ABLIM2: variants seen among roughly 807,000 people sequenced by gnomAD.
ABLIM2 encodes the protein actin binding LIM protein family member 2.
In ABLIM2, 53 loss-of-function variants were observed where a neutral mutation model predicts 97.7. That is an observed-to-expected ratio of 0.54 (90% CI 0.44 to 0.68). The LOEUF is 0.68. ABLIM2 is among the 30% of genes least tolerant of loss of function. The pLI is 0.00. For missense variants in ABLIM2, 835 were observed against 867.2 expected (o/e 0.96, Z 0.47); for synonymous variants, 361 against 345.8 (o/e 1.04, Z -0.49).
intron 6 of ABLIM2, among the ~76,000 whole-genome samples, chr4:8,063,190 C>A (rs550567056): frequency 6.6e-6 from 1 of 152,198 alleles, no homozygotes; most frequent in African/African-American, 2.4e-5. Context: ...CTCAGCCTCC[C>A]GAGTAGCTGG....
rs2152349905 is a variant in ABLIM2 at position 8,072,994 on chromosome 4, A to T, written c.675+4634T>A. 6.6e-6 allele frequency among the ~76,000 whole-genome samples: 1 copy of T among 152,212 alleles called. No individual in the cohort carries two copies. ...GAGGAGCACAGAGAGGGTCTCTGAG[A>T]GGCAGTGGGGCCGGTGCGAAGGGAG... On this transcript the variant is annotated intron_variant, in intron 6 of 20. Coordinates refer to ENST00000447017, the MANE Select transcript of ABLIM2 (RefSeq NM_001130083.2). This position sits in a 1 kb window ranked among gnomAD's most constrained non-coding sequence, Gnocchi z 5.8.
Position 8,127,688 on chromosome 4 carries a change from C to T in ABLIM2, c.11-21051G>A, listed in dbSNP as rs1026251803. ...ACCGGGGAAGAGCCTCTGTGGCCCACAGGGCTCCCACAAGGTCACGTGGCA... is the reference window on the plus strand; with the variant it reads ...ACCGGGGAAGAGCCTCTGTGGCCCATAGGGCTCCCACAAGGTCACGTGGCA... On this transcript the variant is annotated intron_variant, in intron 1 of 20. Transcript: ENST00000447017. The surrounding 1 kb of genome is among the most constrained non-coding windows in gnomAD (Gnocchi z 7.3). The T allele has an allele frequency of 1.6e-6, 2 of 1,259,760 alleles. No individual in the cohort carries two copies. Among genetic ancestry groups the T allele is most frequent in the African/African-American group, 1.5e-5 (1 of 65,250 alleles). The allele number at this position is 1,259,760 out of a possible 1,614,324, so 78.0% of individuals were successfully genotyped here.
chr4:8,029,899 C>A lies in ABLIM2; in HGVS notation c.1048-123G>T, dbSNP rs897661779. On this transcript the variant is annotated intron_variant, in intron 10 of 20. Coordinates refer to ENST00000447017, the MANE Select transcript of ABLIM2 (RefSeq NM_001130083.2). Reference sequence around the variant, plus strand: ...ACCCAAGTGGATGACTCAACATGGCCCCATGTGGGAATCTCCTGCACCTGT... The same window carrying A: ...ACCCAAGTGGATGACTCAACATGGCACCATGTGGGAATCTCCTGCACCTGT... 8 of 1,319,994 alleles carry A rather than the reference C, an allele frequency of 6.1e-6. No individual in the cohort carries two copies. The African/African-American group carries it at 8.8e-5, about 14-fold the overall frequency. 81.8% of individuals were successfully genotyped at this position (1,319,994 alleles called of 1,614,324 possible).
rs994393099 is a variant in ABLIM2, at chr4:8,120,249, G to C, written c.11-13612C>G. On this transcript the variant is annotated intron_variant, in intron 1 of 20. Transcript: ENST00000447017. The surrounding 1 kb of genome is among the most constrained non-coding windows in gnomAD (Gnocchi z 5.6). ...GAGCCATCTCTGTGGGCTGAACCGG[G>C]ACCCCCAGATGCCCACGTTGAAGTC... 1.3e-5 allele frequency among the ~76,000 whole-genome samples: 2 copies of C among 152,186 alleles called. No individual in the cohort carries two copies. The highest frequency in any genetic ancestry group is 2.4e-5 in the African/African-American group (1 of 41,448).
chr4:8,030,371 G>C (rs796174858), intron 10 of ABLIM2, among the ~76,000 whole-genome samples: 20 of 152,314 alleles, frequency 1.3e-4, no homozygotes, highest in African/African-American at 4.1e-4. Context: ...TGGCACGGGG[G>C]AGAGCAGGCT....
intron 8 of ABLIM2, among the ~76,000 whole-genome samples, chr4:8,051,640 G>A (rs923031824): frequency 6.6e-6 from 1 of 151,926 alleles, no homozygotes; most frequent in East Asian, 1.9e-4. Context: ...GGCAGTTTTC[G>A]TTTTCAAAGC....
rs947262740 is a variant in ABLIM2, at chr4:8,069,797, C to T, written c.675+7831G>A. On this transcript the variant is annotated intron_variant, in intron 6 of 20. Transcript: ENST00000447017. This position sits in a 1 kb window ranked among gnomAD's most constrained non-coding sequence, Gnocchi z 4.2. ...CATGTTGTCTGTGTCTCTCCGTGTG[C>T]TTGTGTGTCTCTATGTGTTGTCTGT... Among the ~76,000 whole-genome samples the T allele has an allele frequency of 2.6e-5, 4 of 151,014 alleles. No homozygotes were observed. The highest frequency in any genetic ancestry group is 7.3e-5 in the African/African-American group (3 of 41,072).
At position 8,019,642 on chromosome 4, in the gene ABLIM2, T is replaced by G; in HGVS notation, c.1399A>C (p.Lys467Gln). 6.2e-7 allele frequency: 1 copy of G among 1,612,328 alleles called. No individual in the cohort carries two copies. Among genetic ancestry groups the G allele is most frequent in the Non-Finnish European group, 8.5e-7 (1 of 1,179,340 alleles). ...DTGVKDNIYR[K>Q]PPIYRQHAAR... ...CCATGCTGTCTGTAGATAGGGGGTT[T>G]CCTATAGATGTTATCTTTTACGCCA... Residue 467 changes from lysine to glutamine, a missense_variant, in exon 14 of 21, where the codon AAA (lysine) becomes CAA (glutamine). Coordinates refer to ENST00000447017, the MANE Select transcript of ABLIM2 (RefSeq NM_001130083.2). This position sits in a 1 kb window ranked among gnomAD's most constrained non-coding sequence, Gnocchi z 4.3.
rs1343586036 is a variant in ABLIM2 at position 8,009,128 on chromosome 4, A to T, written c.1424-26T>A. On this transcript the variant is annotated intron_variant, in intron 14 of 20. Coordinates refer to ENST00000447017, the MANE Select transcript of ABLIM2 (RefSeq NM_001130083.2). ...CTGGAAGGGAAAAATCCATTTGTAAAGGCCACACACCATTGCTTGTGGGTT... is the reference window on the plus strand; with the variant it reads ...CTGGAAGGGAAAAATCCATTTGTAATGGCCACACACCATTGCTTGTGGGTT... 3 of 1,613,924 alleles carry T rather than the reference A, an allele frequency of 1.9e-6. No individual in the cohort carries two copies. The South Asian group carries it at 3.3e-5, about 18-fold the overall frequency.
intron 5 of ABLIM2, among the ~76,000 whole-genome samples, chr4:8,079,097 T>G (rs1358808238): frequency 6.6e-6 from 1 of 152,222 alleles, no homozygotes. Flanking sequence ...TGCCCCTCTC[T>G]GGCTGCGGCC....
At chr4:8,034,826 G>A (rs1467528543) in intron 10 of ABLIM2, among the ~76,000 whole-genome samples, 1 of 92,448 alleles carries the variant, frequency 1.1e-5, no homozygotes. Flanking sequence ...CAGGTGGGTG[G>A]TGGGTGGTAG....
At chr4:7,967,858 C>A (rs1316101958) in intron 20 of ABLIM2, among the ~76,000 whole-genome samples, 1 of 152,266 alleles carries the variant, frequency 6.6e-6, no homozygotes, top group Non-Finnish European at 1.5e-5. Flanking sequence ...TAGGTCAGCA[C>A]TGGCTGTGGA....
Position 8,071,169 on chromosome 4 carries a change from CG to C in ABLIM2, c.675+6458del, listed in dbSNP as rs1264695411. 2.8e-5 allele frequency among the ~76,000 whole-genome samples: 3 copies of C among 106,332 alleles called. No individual in the cohort carries two copies. Among genetic ancestry groups the C allele is most frequent in the Non-Finnish European group, 5.7e-5 (3 of 52,740 alleles). The allele number at this position is 106,332 out of a possible 152,430, so 69.8% of individuals were successfully genotyped here. On this transcript the variant is annotated intron_variant, in intron 6 of 20. Coordinates refer to ENST00000447017, the MANE Select transcript of ABLIM2 (RefSeq NM_001130083.2). The surrounding 1 kb of genome is among the most constrained non-coding windows in gnomAD (Gnocchi z 6.2). ...GTCCCAGCTCCCTCTGTGGGGGCAG[CG>C]CCATCCGTCCCCAGCAGCTGGCTCT...
Position 8,071,694 on chromosome 4 carries a change from C to G in ABLIM2, c.675+5934G>C. 8.1e-4 allele frequency: 275 copies of G among 341,310 alleles called. No homozygotes were observed. The highest frequency in any genetic ancestry group is 1.1e-3 in the Non-Finnish European group (257 of 243,594). 21.1% of individuals were successfully genotyped at this position (341,310 alleles called of 1,614,324 possible). ...CACCTGACTGCTCTGTCCCCAAAAA[C>G]CCACCCACCCGCAGCCCCTCCTGGC... On this transcript the variant is annotated intron_variant, in intron 6 of 20. Transcript: ENST00000447017. The surrounding 1 kb of genome is among the most constrained non-coding windows in gnomAD (Gnocchi z 6.2).
rs1381585685 is a variant in ABLIM2 at position 8,138,479 on chromosome 4, G to A, written c.10+20201C>T. Among the ~76,000 whole-genome samples the A allele has an allele frequency of 3.9e-5, 6 of 152,256 alleles. No homozygotes were observed. The East Asian group carries it at 9.6e-4, about 24-fold the overall frequency. On this transcript the variant is annotated intron_variant, in intron 1 of 20. Transcript: ENST00000447017. ...ACCTGACTTCAAACTATACTATGAG[G>A]CTACAGTAACCAAAACAGCATGGTA...
In ABLIM2 at chr4:8,054,753, G is replaced by A. The variant is rs1283861611; in HGVS notation, c.764-507C>T. Among the ~76,000 whole-genome samples, 1 of 152,190 alleles carries A rather than the reference G, an allele frequency of 6.6e-6. No homozygotes were observed. Among genetic ancestry groups the A allele is most frequent in the Non-Finnish European group, 1.5e-5 (1 of 68,038 alleles). ...AGGGCTCTAAGCTGAGAGGTAGGAA[G>A]AGAGAACCTCAGCTGGGAAGTGGGC... On this transcript the variant is annotated intron_variant, in intron 7 of 20. Coordinates refer to ENST00000447017, the MANE Select transcript of ABLIM2 (RefSeq NM_001130083.2). The surrounding 1 kb of genome is among the most constrained non-coding windows in gnomAD (Gnocchi z 4.9).
At chr4:8,151,671 G>A (rs1290329269) in intron 1 of ABLIM2, among the ~76,000 whole-genome samples, 1 of 152,164 alleles carries the variant, frequency 6.6e-6, no homozygotes, top group Non-Finnish European at 1.5e-5. Flanking sequence ...GTTGTACCCC[G>A]AGGATGGCAG....
In ABLIM2 at chr4:8,001,321, G is replaced by A. The variant is rs568457800; in HGVS notation, c.1618+6738C>T. On this transcript the variant is annotated intron_variant, in intron 16 of 20. Transcript: ENST00000447017. The surrounding 1 kb of genome is among the most constrained non-coding windows in gnomAD (Gnocchi z 4.2). ...CCACCCAGGGCCTGTGCTGCTACCC[G>A]CAGAACTGGGAGGCCACACCCTGTT... Among the ~76,000 whole-genome samples, 35 of 152,260 alleles carry A rather than the reference G, an allele frequency of 2.3e-4. No individual in the cohort carries two copies. The highest frequency in any genetic ancestry group is 1.0e-3 in the Admixed American group (16 of 15,302).
chr4:8,010,288 T>C, intron 14 of ABLIM2: 2 of 852,622 alleles, frequency 2.3e-6, no homozygotes, highest in Non-Finnish European at 2.8e-6. Flanking sequence ...TCCAACTTAG[T>C]AGGTAAACAC....
Sources: gnomAD v4.1 joint callset for allele counts (sites outside exome capture counted in the v4.1 genomes callset) on GRCh38, gnomAD v4.1.1 for gene constraint, Gnocchi (gnomAD v3.1) non-coding constraint, MANE v1.5 for transcripts, NCBI Gene and HGNC (gene_info 2026-07-23, HGNC 2026-07-21) for gene names.